ATP6V0D2: variants seen among roughly 807,000 people sequenced by gnomAD.
ATP6V0D2 encodes ATPase H+ transporting V0 subunit d2, also known as V-type proton ATPase subunit d 2.
Under a neutral mutation model 40.0 loss-of-function variants are expected in ATP6V0D2, and 40 were observed. That is an observed-to-expected ratio of 1.00 (90% CI 0.78 to 1.30). The LOEUF is 1.30. Ranked by LOEUF, ATP6V0D2 falls within the 50% of genes most tolerant of loss-of-function variation. The pLI, the probability that ATP6V0D2 is intolerant of heterozygous loss-of-function variation, is 0.00. For synonymous variants in ATP6V0D2, 179 were observed against 156.3 expected, an observed-to-expected ratio of 1.15 and a Z score of -1.08; for missense variants, 470 against 423.1, an observed-to-expected ratio of 1.11 and a Z score of -0.97.
chr8:86,122,369 A>G (rs1818681963), intron 2 of ATP6V0D2, among the ~76,000 whole-genome samples: 2 of 152,226 alleles, frequency 1.3e-5, no homozygotes, highest in Non-Finnish European at 2.9e-5. Flanking sequence ...TTAAAGATTC[A>G]TTCCTAAAGG....
chr8:86,104,968 T>G (rs1211308367), intron 1 of ATP6V0D2, among the ~76,000 whole-genome samples: 1 of 152,106 alleles, frequency 6.6e-6, no homozygotes, highest in Non-Finnish European at 1.5e-5. Context: ...ATGTTTTGCC[T>G]TTTCTAGAGC....
At chr8:86,103,951 G>A (rs1009470523) in intron 1 of ATP6V0D2, among the ~76,000 whole-genome samples, 16 of 151,942 alleles carry the variant, frequency 1.1e-4, no homozygotes, top group South Asian at 4.2e-4. Flanking sequence ...TCTGTCTCCC[G>A]AGTAGCTGGG....
chr8:86,133,840 A>C lies in ATP6V0D2; in HGVS notation c.303-5617A>C, dbSNP rs76159854. Reference sequence around the variant, plus strand: ...TTTAGCCTTGGTGTCAATAGAGGCCACACACAGAGTAGTAATAAATCCCAG... The same window carrying C: ...TTTAGCCTTGGTGTCAATAGAGGCCCCACACAGAGTAGTAATAAATCCCAG... On this transcript the variant is annotated intron_variant, in intron 2 of 7. Transcript: ENST00000285393. Among the ~76,000 whole-genome samples the C allele has an allele frequency of 4.1e-4, 63 of 152,240 alleles. No homozygotes were observed. In the East Asian group the frequency reaches 0.01, roughly 25 times the overall value.
At chr8:86,113,951 G>T in intron 2 of ATP6V0D2, 71 bp downstream of exon 2, 3 of 1,407,682 alleles carry the variant, frequency 2.1e-6, no homozygotes, top group Non-Finnish European at 2.9e-6. Flanking sequence ...ATTACAGGGT[G>T]GGTATCAAGC....
At chr8:86,125,621 G>A (rs1216309433) in intron 2 of ATP6V0D2, among the ~76,000 whole-genome samples, 1 of 152,062 alleles carries the variant, frequency 6.6e-6, no homozygotes, top group Non-Finnish European at 1.5e-5. Flanking sequence ...ATAAGACGAT[G>A]GATTGAGTAA....
chr8:86,115,358 ATTTTTTTT>A (rs564384965), intron 2 of ATP6V0D2, among the ~76,000 whole-genome samples: 5 of 73,278 alleles, frequency 6.8e-5, no homozygotes, highest in African/African-American at 1.1e-4. Flanking sequence ...CGTATCATCC[ATTTTTTTT>A]TTTTTTTTTT....
chr8:86,116,877 C>G (rs1818597082), intron 2 of ATP6V0D2, among the ~76,000 whole-genome samples: 1 of 152,138 alleles, frequency 6.6e-6, no homozygotes, highest in Non-Finnish European at 1.5e-5. Context: ...TTTACCATTA[C>G]CAACATTGGA....
At chr8:86,142,482 C>T (rs539013805) in intron 4 of ATP6V0D2, among the ~76,000 whole-genome samples, 43 of 152,306 alleles carry the variant, frequency 2.8e-4, no homozygotes, top group African/African-American at 1.0e-3. Context: ...GCTCCATGCT[C>T]AAAGCCATCC....
At chr8:86,113,970 G>A (rs1818562719) in intron 2 of ATP6V0D2, 90 bp downstream of exon 2, 2 of 1,220,760 alleles carry the variant, frequency 1.6e-6, no homozygotes, top group Non-Finnish European at 2.2e-6. Context: ...GCCAGAGTGA[G>A]ACTTAAGACC....
intron 4 of ATP6V0D2, among the ~76,000 whole-genome samples, chr8:86,142,226 G>A (rs1818984537): frequency 6.6e-6 from 1 of 152,188 alleles, no homozygotes; most frequent in Non-Finnish European, 1.5e-5. Context: ...TTGGTAAAGT[G>A]ACTTATGGGC....
chr8:86,136,390 A>ATTGCAGGG (rs1818897312), intron 2 of ATP6V0D2, among the ~76,000 whole-genome samples: 1 of 152,164 alleles, frequency 6.6e-6, no homozygotes, highest in Non-Finnish European at 1.5e-5. Context: ...TTCGCAGCTC[A>ATTGCAGGG]GATGCTTTTA....
intron 2 of ATP6V0D2, among the ~76,000 whole-genome samples, chr8:86,126,393 G>A (rs533532470): frequency 5.2e-4 from 79 of 151,096 alleles, no homozygotes; most frequent in East Asian, 2.5e-3. Context: ...CCCAGCATCC[G>A]TTGGCTACTC....
At chr8:86,137,793 C>A (rs1249618998) in intron 2 of ATP6V0D2, among the ~76,000 whole-genome samples, 1 of 152,150 alleles carries the variant, frequency 6.6e-6, no homozygotes, top group Non-Finnish European at 1.5e-5. Context: ...GTCTGAGTCT[C>A]AGCTCTCCTA....
At chr8:86,152,362 G>A (rs948217344) in intron 7 of ATP6V0D2, among the ~76,000 whole-genome samples, 1 of 152,028 alleles carries the variant, frequency 6.6e-6, no homozygotes, top group African/African-American at 2.4e-5. Flanking sequence ...TTTGCTATTG[G>A]GAAAAGTGCT....
chr8:86,131,093 T>G (rs1414500160), intron 2 of ATP6V0D2, among the ~76,000 whole-genome samples: 1 of 152,174 alleles, frequency 6.6e-6, no homozygotes, highest in Non-Finnish European at 1.5e-5. Context: ...CATCCTTTAA[T>G]CATACACCTA....
At chr8:86,114,663 C>CT (rs1218305276) in intron 2 of ATP6V0D2, among the ~76,000 whole-genome samples, 1 of 141,264 alleles carries the variant, frequency 7.1e-6, no homozygotes, top group African/African-American at 2.6e-5. Flanking sequence ...GAATGAGACT[C>CT]TATCTCAAAA....
chr8:86,144,069 T>C (rs1472120595), intron 5 of ATP6V0D2, among the ~76,000 whole-genome samples: 2 of 152,218 alleles, frequency 1.3e-5, no homozygotes, highest in East Asian at 1.9e-4. Flanking sequence ...CATTTAATTA[T>C]GTGTCAAACA....
chr8:86,107,280 G>A (rs931422246), intron 1 of ATP6V0D2, among the ~76,000 whole-genome samples: 3 of 152,030 alleles, frequency 2.0e-5, no homozygotes, highest in African/African-American at 7.2e-5. Context: ...AATTTAAAAA[G>A]GGAAAAAATA....
chr8:86,141,015 A>T (rs938559797), intron 3 of ATP6V0D2, among the ~76,000 whole-genome samples: 1 of 152,114 alleles, frequency 6.6e-6, no homozygotes. Context: ...CACAACCTAG[A>T]TCCCTCAGAT....
Sources: gnomAD v4.1 joint callset for allele counts (sites outside exome capture counted in the v4.1 genomes callset) on GRCh38, gnomAD v4.1.1 for gene constraint, MANE v1.5 for transcripts, NCBI Gene and HGNC (gene_info 2026-07-23, HGNC 2026-07-21) for gene names.